The following COL22A1 variants were observed in gnomAD, a reference collection of about 807,000 sequenced individuals.
The protein encoded by COL22A1 is collagen alpha-1(XXII) chain.
In COL22A1, 221 loss-of-function variants were observed where a neutral mutation model predicts 248.9. The observed-to-expected ratio is 0.89, with a 90% CI of 0.80 to 0.99. COL22A1 has a LOEUF of 0.99. COL22A1 is among the 50% of genes least tolerant of loss of function. The probability of loss-of-function intolerance (pLI) is 0.00; values close to 1 mark genes in which losing one functional copy is unlikely to be tolerated. For synonymous variants in COL22A1, 891 were observed against 793.4 expected (o/e 1.12, Z -2.07); for missense variants, 2,240 against 2,179.0 (o/e 1.03, Z -0.56).
At chr8:138,706,223 A>C (rs1828429291) in intron 30 of COL22A1, among the ~76,000 whole-genome samples, 2 of 152,216 alleles carry the variant, frequency 1.3e-5, no homozygotes, top group African/African-American at 4.8e-5. Flanking sequence ...CATTAGACAG[A>C]TCAACAAGAC....
intron 1 of COL22A1, among the ~76,000 whole-genome samples, chr8:138,883,586 G>A (rs1416628893): frequency 1.3e-5 from 2 of 152,202 alleles, no homozygotes; most frequent in South Asian, 2.1e-4. Flanking sequence ...GAATCCCCAC[G>A]TGTCGAGGGA....
intron 45 of COL22A1, among the ~76,000 whole-genome samples, chr8:138,650,417 T>G (rs575646004): frequency 6.6e-6 from 1 of 152,354 alleles, no homozygotes; most frequent in East Asian, 1.9e-4. Flanking sequence ...ATATTGCTCC[T>G]CGAGTAAATT....
intron 60 of COL22A1, 48 bp from the exon 61 acceptor site, chr8:138,598,946 G>A (rs368323039): frequency 1.1e-5 from 17 of 1,594,574 alleles, no homozygotes; most frequent in African/African-American, 2.7e-5. Context: ...GCTGGAAGCT[G>A]TACCCCATGC....
intron 3 of COL22A1, among the ~76,000 whole-genome samples, chr8:138,865,501 GTA>G (rs1471384750): frequency 6.6e-6 from 1 of 151,146 alleles, no homozygotes; most frequent in East Asian, 2.0e-4. Context: ...GTATGTGTGT[GTA>G]TGTTTGTATG....
chr8:138,751,896 A>G (rs1563712254), intron 21 of COL22A1, among the ~76,000 whole-genome samples: 2 of 152,212 alleles, frequency 1.3e-5, no homozygotes, highest in African/African-American at 2.4e-5. Context: ...ACTGGCATAG[A>G]CTATCTGACT....
chr8:138,759,129 A>C (rs1019986760), intron 18 of COL22A1, among the ~76,000 whole-genome samples: 2 of 152,234 alleles, frequency 1.3e-5, no homozygotes. Context: ...CTCGGCTAGC[A>C]CTGAAGCCCG....
In COL22A1 at chr8:138,890,208, A is replaced by T. The variant is rs571421078; in HGVS notation, c.-72-6964T>A. 9.2e-5 allele frequency among the ~76,000 whole-genome samples: 14 copies of T among 152,286 alleles called. No homozygotes were observed. In the South Asian group the frequency reaches 2.7e-3, roughly 29 times the overall value. On this transcript the variant is annotated intron_variant, in intron 1 of 64. Coordinates refer to ENST00000303045, the MANE Select transcript of COL22A1 (RefSeq NM_152888.3). Reference sequence around the variant, plus strand: ...GCACCCTTTCATGATAAAAAAAATAAAATAAGACTATAAAAAAACTTCCTC... The same window carrying T: ...GCACCCTTTCATGATAAAAAAAATATAATAAGACTATAAAAAAACTTCCTC...
At position 138,684,487 on chromosome 8, in the gene COL22A1, A is replaced by T. The variant is rs1424463484; in HGVS notation, c.2968-18T>A. 6.3e-7 allele frequency: 1 copy of T among 1,592,754 alleles called. No homozygotes were observed. The highest frequency in any genetic ancestry group is 8.6e-7 in the Non-Finnish European group (1 of 1,160,768). Reference sequence around the variant, plus strand: ...CGGAGTCCCTGGAGAAATAAATAATACAAGGACAATCATGGAGCTGAGAGT... The same window carrying T: ...CGGAGTCCCTGGAGAAATAAATAATTCAAGGACAATCATGGAGCTGAGAGT... On this transcript the variant is annotated intron_variant, in intron 38 of 64. Transcript: ENST00000303045.
intron 12 of COL22A1, among the ~76,000 whole-genome samples, chr8:138,795,193 G>A (rs1355737972): frequency 3.3e-5 from 5 of 152,206 alleles, no homozygotes; most frequent in African/African-American, 1.2e-4. Flanking sequence ...AAAGCGGCAG[G>A]AGATTTTTAG....
chr8:138,784,623 G>T (rs557299019), intron 12 of COL22A1, among the ~76,000 whole-genome samples: 1 of 152,174 alleles, frequency 6.6e-6, no homozygotes, highest in Non-Finnish European at 1.5e-5. Context: ...AGTCAGAGTA[G>T]AGTAATATTA....
At chr8:138,814,092 G>T (rs1373488431) in intron 7 of COL22A1, among the ~76,000 whole-genome samples, 10 of 152,208 alleles carry the variant, frequency 6.6e-5, no homozygotes, top group Admixed American at 2.6e-4. Context: ...AGGCCCTTTC[G>T]TGGGACACCC....
chr8:138,861,926 C>T (rs1359581502), intron 3 of COL22A1, among the ~76,000 whole-genome samples: 17 of 151,064 alleles, frequency 1.1e-4, no homozygotes, highest in Admixed American at 7.3e-4. Flanking sequence ...CAGTGGTTCA[C>T]GCCTGGAATC....
intron 16 of COL22A1, among the ~76,000 whole-genome samples, chr8:138,771,325 TG>T (rs1359460628): frequency 6.6e-6 from 1 of 152,214 alleles, no homozygotes; most frequent in Non-Finnish European, 1.5e-5. Flanking sequence ...CCTTCGGGCC[TG>T]GTAACCCACA....
At chr8:138,789,132 C>A (rs1207999373) in intron 12 of COL22A1, among the ~76,000 whole-genome samples, 1 of 152,198 alleles carries the variant, frequency 6.6e-6, no homozygotes, top group Non-Finnish European at 1.5e-5. Context: ...GAGTGTCAGA[C>A]GGAGCTAGAG....
At chr8:138,882,461 C>T (rs1824292080) in intron 2 of COL22A1, among the ~76,000 whole-genome samples, 2 of 151,026 alleles carry the variant, frequency 1.3e-5, no homozygotes, top group Non-Finnish European at 3.0e-5. Flanking sequence ...CACTCCCCTA[C>T]ACCTCACACT....
intron 3 of COL22A1, among the ~76,000 whole-genome samples, chr8:138,848,538 T>C (rs1324958259): frequency 6.6e-6 from 1 of 152,212 alleles, no homozygotes; most frequent in African/African-American, 2.4e-5. Context: ...TCTGATGTCC[T>C]CGTGCTCTAT....
chr8:138,754,044 CAATGTCTCTGCACT>C (rs1586656578), intron 21 of COL22A1, among the ~76,000 whole-genome samples: 2 of 152,212 alleles, frequency 1.3e-5, no homozygotes, highest in East Asian at 3.8e-4. Context: ...GCAAACCACT[CAATGTCTCTGCACT>C]AATGTTTTCA....
chr8:138,855,626 TC>T (rs1308938172), intron 3 of COL22A1, among the ~76,000 whole-genome samples: 1 of 151,988 alleles, frequency 6.6e-6, no homozygotes, highest in Admixed American at 6.6e-5. Context: ...TCTTTTTGAA[TC>T]CCCCCAGGAA....
chr8:138,751,401 A>T, intron 22 of COL22A1, 57 bp downstream of exon 22: 1 of 1,246,894 alleles, frequency 8.0e-7, no homozygotes. Context: ...TGGCATTATA[A>T]AATAGGGACC....
Sources: allele counts gnomAD v4.1 joint callset (sites outside exome capture counted in the v4.1 genomes callset), GRCh38; gene constraint gnomAD v4.1.1; transcripts MANE v1.5; gene names NCBI Gene and HGNC (gene_info 2026-07-23, HGNC 2026-07-21).